PPP3CB: variants seen among roughly 807,000 people sequenced by gnomAD.
The protein encoded by PPP3CB is serine/threonine-protein phosphatase 2B catalytic subunit beta isoform.
Under a neutral mutation model 66.4 loss-of-function variants are expected in PPP3CB, and 8 were observed. That is an observed-to-expected ratio of 0.12 (90% CI 0.07 to 0.22). The LOEUF is 0.22. PPP3CB is among the 10% of genes least tolerant of loss of function. The pLI, the probability that PPP3CB is intolerant of heterozygous loss-of-function variation, is 1.00. For synonymous variants in PPP3CB, 208 were observed against 221.2 expected (o/e 0.94, Z 0.53); for missense variants, 319 against 642.5 (o/e 0.50, Z 5.44).
At chr10:73,491,171 C>CAGG (rs1381609700) in intron 1 of PPP3CB, among the ~76,000 whole-genome samples, 1 of 151,914 alleles carries the variant, frequency 6.6e-6, no homozygotes, top group Non-Finnish European at 1.5e-5. Flanking sequence ...GCTGGGATTA[C>CAGG]AGGCGTGTAC....
At chr10:73,450,606 T>C (rs1273673975) in intron 10 of PPP3CB, among the ~76,000 whole-genome samples, 1 of 152,188 alleles carries the variant, frequency 6.6e-6, no homozygotes, top group Non-Finnish European at 1.5e-5. Flanking sequence ...TGAAGAGTAA[T>C]TGTACCTGCC....
chr10:73,467,194 G>C (rs568325241), intron 9 of PPP3CB: 1 of 153,854 alleles, frequency 6.5e-6, no homozygotes, highest in East Asian at 1.9e-4. Context: ...GAATTTCGGT[G>C]GAATGCCCAA....
intron 1 of PPP3CB, 135 bp downstream of exon 1, chr10:73,495,670 G>T: frequency 7.5e-7 from 1 of 1,329,626 alleles, no homozygotes; most frequent in Non-Finnish European, 9.8e-7. Context: ...GCCCGCCCAG[G>T]GGCCACTCCC....
intron 5 of PPP3CB, 75 bp from the exon 6 acceptor site, chr10:73,471,284 A>G: frequency 6.9e-7 from 1 of 1,445,576 alleles, no homozygotes; most frequent in South Asian, 1.3e-5. Context: ...GGAAAACGAT[A>G]CCAACTTTGA....
In PPP3CB at chr10:73,446,526, T is replaced by C. The variant is rs546930537; in HGVS notation, c.1234A>G (p.Ile412Val). Residue 412 changes from isoleucine to valine, a missense_variant, in exon 11 of 14, where the codon ATT (isoleucine) becomes GTT (valine). Physicochemically the swap from Ile to Val is conservative, Grantham distance 29. This residue lies in a region of PPP3CB where 120 missense variants were observed against 331.2 expected (regional missense o/e 0.36). Coordinates refer to ENST00000360663, the MANE Select transcript of PPP3CB (RefSeq NM_021132.4). Reference protein sequence around the residue: ...KEIIRNKIRAIGKMARVFSVL... With the variant: ...KEIIRNKIRAVGKMARVFSVL... ...GAGAAGACTCTTGCCATCTTGCCAATTGCTCGAATTTTGTTTCTTATGATT... is the reference window on the plus strand; with the variant it reads ...GAGAAGACTCTTGCCATCTTGCCAACTGCTCGAATTTTGTTTCTTATGATT... The C allele has an allele frequency of 3.7e-6, 6 of 1,613,738 alleles. No individual in the cohort carries two copies. Among genetic ancestry groups the C allele is most frequent in the East Asian group, 2.2e-5 (1 of 44,888 alleles).
At chr10:73,491,839 T>C (rs1047703127) in intron 1 of PPP3CB, among the ~76,000 whole-genome samples, 10 of 152,092 alleles carry the variant, frequency 6.6e-5, no homozygotes, top group Non-Finnish European at 1.5e-4. Flanking sequence ...TGGTGGCACA[T>C]GCCTGTAATC....
intron 12 of PPP3CB, among the ~76,000 whole-genome samples, chr10:73,443,269 A>AG (rs2056185326): frequency 1.5e-5 from 2 of 132,300 alleles, no homozygotes; most frequent in African/African-American, 6.7e-5. Context: ...AGAGAGAGAG[A>AG]AAGAAAGAAA....
At position 73,438,435 on chromosome 10, in the gene PPP3CB, A is replaced by G; in HGVS notation, c.1397-15T>C. 1 of 1,583,780 alleles carries G rather than the reference A, an allele frequency of 6.3e-7. No homozygotes were observed. The highest frequency in any genetic ancestry group is 8.6e-7 in the Non-Finnish European group (1 of 1,156,984). On this transcript the variant is annotated splice_polypyrimidine_tract_variant and intron_variant, in intron 13 of 13. Coordinates refer to ENST00000360663, the MANE Select transcript of PPP3CB (RefSeq NM_021132.4). Reference sequence around the variant, plus strand: ...TCCTCGTATTGCTTAATAAAATGCAAATTTGATAAGTCAGTAATTGAAAAA... The same window carrying G: ...TCCTCGTATTGCTTAATAAAATGCAGATTTGATAAGTCAGTAATTGAAAAA...
At chr10:73,466,933 G>C (rs2056626320) in intron 9 of PPP3CB, 1 of 152,028 alleles carries the variant, frequency 6.6e-6, no homozygotes. Context: ...GAATTCTATA[G>C]AACTACAAAT....
intron 3 of PPP3CB, 113 bp from the exon 4 acceptor site, chr10:73,475,143 G>C: frequency 2.3e-6 from 3 of 1,321,604 alleles, no homozygotes; most frequent in Non-Finnish European, 2.9e-6. Flanking sequence ...ATCTTTCTTT[G>C]TCCCTTACTA....
At chr10:73,486,305 T>TG (rs1201181002) in intron 1 of PPP3CB, among the ~76,000 whole-genome samples, 3 of 148,038 alleles carry the variant, frequency 2.0e-5, no homozygotes, top group Admixed American at 6.7e-5. Context: ...GTTTTTTTTT[T>TG]TTTTTTTTTT....
intron 1 of PPP3CB, among the ~76,000 whole-genome samples, chr10:73,485,355 G>C (rs2056954445): frequency 6.6e-6 from 1 of 152,160 alleles, no homozygotes; most frequent in African/African-American, 2.4e-5. Flanking sequence ...GTGGTACAGA[G>C]ATCTTCTTAC....
chr10:73,460,275 A>AAAAAAAAAAAAAAAAC (rs1564555748), intron 9 of PPP3CB, among the ~76,000 whole-genome samples: 1 of 151,026 alleles, frequency 6.6e-6, no homozygotes, highest in Non-Finnish European at 1.5e-5. Context: ...CAAAAAAAAA[A>AAAAAAAAAAAAAAAAC]AAAAAAAAAA....
At chr10:73,483,387 G>A (rs1462541025) in intron 1 of PPP3CB, among the ~76,000 whole-genome samples, 2 of 152,216 alleles carry the variant, frequency 1.3e-5, no homozygotes, top group Non-Finnish European at 2.9e-5. Context: ...GGGCGCAGAG[G>A]CTCACCCCTA....
At chr10:73,471,309 A>G (rs2056698430) in intron 5 of PPP3CB, 100 bp from the exon 6 acceptor site, 2 of 1,353,120 alleles carry the variant, frequency 1.5e-6, no homozygotes, top group Admixed American at 2.3e-5. Context: ...AGTTCATACT[A>G]TATTATTGTG....
chr10:73,485,908 T>TTTTGTG (rs1220055785), intron 1 of PPP3CB, among the ~76,000 whole-genome samples: 1 of 121,290 alleles, frequency 8.2e-6, no homozygotes, highest in South Asian at 3.1e-4. Context: ...ACCTGGCTAA[T>TTTTGTG]TGTGTGTGTG....
At chr10:73,459,517 T>C (rs1019887403) in intron 9 of PPP3CB, among the ~76,000 whole-genome samples, 2 of 152,214 alleles carry the variant, frequency 1.3e-5, no homozygotes, top group Non-Finnish European at 2.9e-5. Context: ...AACTTGCACA[T>C]GCATATTCTT....
chr10:73,483,301 T>C (rs1270916284), intron 1 of PPP3CB, among the ~76,000 whole-genome samples: 2 of 152,192 alleles, frequency 1.3e-5, no homozygotes, highest in Non-Finnish European at 2.9e-5. Flanking sequence ...TAGAGGTAGA[T>C]GAAAGCTATA....
At chr10:73,439,814 C>T in intron 13 of PPP3CB, 58 bp downstream of exon 13, 2 of 1,564,094 alleles carry the variant, frequency 1.3e-6, no homozygotes. Context: ...ACAGGACATT[C>T]TCTGATGCCC....
Sources: allele counts gnomAD v4.1 joint callset (sites outside exome capture counted in the v4.1 genomes callset), GRCh38; gene constraint gnomAD v4.1.1; regional missense constraint gnomAD v4.1.1; transcripts MANE v1.5; gene names NCBI Gene and HGNC (gene_info 2026-07-23, HGNC 2026-07-21).